The following ZNF664 variants were observed in gnomAD, a reference collection of about 807,000 sequenced individuals.
ZNF664 encodes the protein zinc finger protein 664.
A neutral mutation model predicts 18.2 loss-of-function variants in ZNF664; 10 were observed. The observed-to-expected ratio is 0.55, with a 90% CI of 0.34 to 0.93. The LOEUF (loss-of-function observed/expected upper bound fraction) is 0.93, where lower values mean the gene tolerates loss of function less well. ZNF664 is among the 40% of genes least tolerant of loss of function. The probability of loss-of-function intolerance (pLI) is 0.02; values close to 1 mark genes in which losing one functional copy is unlikely to be tolerated. For synonymous variants in ZNF664, 119 were observed against 104.2 expected, an observed-to-expected ratio of 1.14 and a Z score of -0.86; for missense variants, 193 against 319.0, an observed-to-expected ratio of 0.61 and a Z score of 3.01.
At chr12:123,995,852 A>G (rs825511) in intron 3 of ZNF664, among the ~76,000 whole-genome samples, 151,907 of 152,318 alleles carry the variant, frequency 1, 75,751 homozygotes, top group Middle Eastern at 1. Context: ...CTGGCTCAAC[A>G]GAGGTCTGTT....
intron 3 of ZNF664, among the ~76,000 whole-genome samples, chr12:123,995,188 G>A (rs1477898557): frequency 6.6e-6 from 1 of 152,184 alleles, no homozygotes; most frequent in African/African-American, 2.4e-5. Context: ...TCACGGTGTT[G>A]TGCAGCTAAG....
chr12:123,973,542 C>A, intron 1 of ZNF664, 190 bp downstream of exon 1: 1 of 371,290 alleles, frequency 2.7e-6, no homozygotes, highest in Non-Finnish European at 3.7e-6. Context: ...CCTGGCGGGT[C>A]CCGGGCTGAG....
At position 123,974,008 on chromosome 12, in the gene ZNF664, G is replaced by T. The variant is rs1438278570; in HGVS notation, c.-769G>T. 24 of 1,231,858 alleles carry T rather than the reference G, an allele frequency of 1.9e-5. No individual in the cohort carries two copies. Among genetic ancestry groups the T allele is most frequent in the Non-Finnish European group, 2.3e-5 (23 of 988,154 alleles). The allele number at this position is 1,231,858 out of a possible 1,614,324, so 76.3% of individuals were successfully genotyped here. On this transcript the variant is annotated 5_prime_UTR_variant, in exon 2 of 5. Transcript: ENST00000337815. ...CATTGTTTGACCACAACAAGGGCCG[G>T]ATTCTCACCCAGGTAAACCGGCTGC...
In ZNF664 at chr12:123,973,302, A is replaced by C; in HGVS notation, c.-942A>C. 3.1e-6 allele frequency: 3 copies of C among 980,152 alleles called. No homozygotes were observed. Among genetic ancestry groups the C allele is most frequent in the Non-Finnish European group, 3.6e-6 (3 of 828,946 alleles). The allele number at this position is 980,152 out of a possible 1,614,324, so 60.7% of individuals were successfully genotyped here. ...CTGTGAGGTGTCCCTGAGGAGAGGG[A>C]GGTGGGTGCGCGGCGCCCGCGGCCT... On this transcript the variant is annotated 5_prime_UTR_variant, in exon 1 of 5. Transcript: ENST00000337815.
At chr12:123,982,379 T>C (rs968342113) in intron 2 of ZNF664, among the ~76,000 whole-genome samples, 16 of 152,336 alleles carry the variant, frequency 1.1e-4, no homozygotes, top group African/African-American at 3.8e-4. Context: ...CTGTGCTCTT[T>C]GCCTTCATCT....
At chr12:123,988,583 GT>G (rs111807388) in intron 3 of ZNF664, among the ~76,000 whole-genome samples, 10 of 148,070 alleles carry the variant, frequency 6.8e-5, no homozygotes, top group Non-Finnish European at 1.2e-4. Flanking sequence ...AATTTCTGGT[GT>G]TTTTTTTTTC....
intron 3 of ZNF664, among the ~76,000 whole-genome samples, chr12:123,990,415 C>CTTTTTTTTTT (rs1566199633): frequency 6.6e-6 from 1 of 152,138 alleles, no homozygotes; most frequent in African/African-American, 2.4e-5. Context: ...ACCCACTTTT[C>CTTTTTTTTTT]ATTTTACCTG....
chr12:123,995,065 G>T (rs147489982), intron 3 of ZNF664, among the ~76,000 whole-genome samples: 191 of 152,290 alleles, frequency 1.3e-3, no homozygotes, highest in Non-Finnish European at 2.1e-3. Context: ...AGGAGGTTGG[G>T]ATTACAAGCC....
intron 2 of ZNF664, among the ~76,000 whole-genome samples, chr12:123,986,693 C>G (rs1956829498): frequency 6.6e-6 from 1 of 152,180 alleles, no homozygotes; most frequent in Middle Eastern, 3.2e-3. Flanking sequence ...CAGATGTCTG[C>G]ACTTGGTCTC....
At chr12:123,985,946 A>C (rs1306482281) in intron 2 of ZNF664, among the ~76,000 whole-genome samples, 1 of 152,110 alleles carries the variant, frequency 6.6e-6, no homozygotes, top group Non-Finnish European at 1.5e-5. Context: ...TAATTTTGCA[A>C]TTTTCTTTTC....
intron 2 of ZNF664, among the ~76,000 whole-genome samples, chr12:123,981,759 T>C (rs1956767473): frequency 6.6e-6 from 1 of 152,228 alleles, no homozygotes; most frequent in African/African-American, 2.4e-5. Flanking sequence ...ACGAAGAGGA[T>C]TTACAAAGAA....
chr12:123,984,732 G>A (rs1956804261), intron 2 of ZNF664, among the ~76,000 whole-genome samples: 1 of 152,032 alleles, frequency 6.6e-6, no homozygotes, highest in South Asian at 2.1e-4. Context: ...AGTTTATCGT[G>A]GGATGATGGG....
Position 124,011,768 on chromosome 12 carries a change from C to T in ZNF664, c.-377C>T, listed in dbSNP as rs1261145503. Reference sequence around the variant, plus strand: ...TACAGTCCTTTTTCTAGAAGTGAGACATACAAGATTACTCTACAAGAGGAA... The same window carrying T: ...TACAGTCCTTTTTCTAGAAGTGAGATATACAAGATTACTCTACAAGAGGAA... On this transcript the variant is annotated 5_prime_UTR_variant, in exon 5 of 5. Coordinates refer to ENST00000337815, the MANE Select transcript of ZNF664 (RefSeq NM_152437.3). 6 of 1,077,694 alleles carry T rather than the reference C, an allele frequency of 5.6e-6. No individual in the cohort carries two copies. The highest frequency in any genetic ancestry group is 3.3e-5 in the South Asian group (1 of 30,612). 66.8% of individuals were successfully genotyped at this position (1,077,694 alleles called of 1,614,324 possible).
intron 2 of ZNF664, among the ~76,000 whole-genome samples, chr12:123,981,467 A>C (rs906255778): frequency 6.6e-6 from 1 of 152,174 alleles, no homozygotes; most frequent in Non-Finnish European, 1.5e-5. Flanking sequence ...GCATGTTAAC[A>C]TGCTCAGCCC....
intron 2 of ZNF664, among the ~76,000 whole-genome samples, chr12:123,977,711 G>A: frequency 6.6e-6 from 1 of 152,146 alleles, no homozygotes. Context: ...GAGTAATGAG[G>A]TGAGACAAAT....
intron 2 of ZNF664, among the ~76,000 whole-genome samples, chr12:123,980,303 T>G (rs888398233): frequency 6.6e-6 from 1 of 152,202 alleles, no homozygotes; most frequent in Non-Finnish European, 1.5e-5. Flanking sequence ...GATGTTACAA[T>G]TTCTCACCAA....
Position 124,012,522 on chromosome 12 carries a change from T to C in ZNF664, c.378T>C (p.Asn126=), listed in dbSNP as rs749941320. ...VCSECGRGFS[N]SSNLCMHQRV... ...GTGAGTGTGGAAGGGGCTTTAGTAA[T>C]AGTTCAAACCTTTGCATGCATCAGA... The change falls in exon 5 of 5, where the codon AAT becomes AAC. Residue 126 remains asparagine, a synonymous_variant. Transcript: ENST00000337815. 1.9e-6 allele frequency: 3 copies of C among 1,614,200 alleles called. No individual in the cohort carries two copies. The highest frequency in any genetic ancestry group is 2.5e-6 in the Non-Finnish European group (3 of 1,180,044).
intron 3 of ZNF664, among the ~76,000 whole-genome samples, chr12:123,993,874 G>A (rs1956916418): frequency 6.6e-6 from 1 of 152,128 alleles, no homozygotes. Context: ...AAGCTGGAGG[G>A]CACATACTTT....
At chr12:124,010,817 T>G (rs1490523626) in intron 3 of ZNF664, among the ~76,000 whole-genome samples, 1 of 151,990 alleles carries the variant, frequency 6.6e-6, no homozygotes, top group Non-Finnish European at 1.5e-5. Context: ...GGGGGCCTCT[T>G]TAGGTAGGGG....
Sources: gnomAD v4.1 joint callset for allele counts (sites outside exome capture counted in the v4.1 genomes callset) on GRCh38, gnomAD v4.1.1 for gene constraint, MANE v1.5 for transcripts, NCBI Gene and HGNC (gene_info 2026-07-23, HGNC 2026-07-21) for gene names.